ZNF236: variants seen among roughly 807,000 people sequenced by gnomAD.
ZNF236 encodes regulated by glucose.
A neutral mutation model predicts 191.2 loss-of-function variants in ZNF236; 50 were observed. The observed-to-expected ratio is 0.26, with a 90% CI of 0.21 to 0.33. The LOEUF (loss-of-function observed/expected upper bound fraction) is 0.33. Among genes scored for constraint, ZNF236 ranks in the 10% least tolerant of loss-of-function variants. The pLI, the probability that ZNF236 is intolerant of heterozygous loss-of-function variation, is 1.00. For synonymous variants in ZNF236, 907 were observed against 928.8 expected (o/e 0.98, Z 0.43); for missense variants, 1,754 against 2,374.5 (o/e 0.74, Z 5.43).
rs535526178 is a variant in ZNF236, at chr18:76,827,625, G to T, written c.55+4963G>T. ...CATGGTGACAGATTGGGCACCTGAA[G>T]TCTAGGCTTCCTGGAGAAAATGTTG... On this transcript the variant is annotated intron_variant, in intron 1 of 30. Transcript: ENST00000320610. Among the ~76,000 whole-genome samples the T allele has an allele frequency of 3.3e-5, 5 of 152,320 alleles. No individual in the cohort carries two copies. The East Asian group carries it at 9.6e-4, about 29-fold the overall frequency.
chr18:76,968,091 A>T, intron 30 of ZNF236, 124 bp from the exon 31 acceptor site: 1 of 1,308,776 alleles, frequency 7.6e-7, no homozygotes, highest in Non-Finnish European at 1.1e-6. Flanking sequence ...TTTCACTGGA[A>T]TGAAAAGCAA....
rs1329121860 is a variant in ZNF236, at chr18:76,925,365, C to A, written c.3838C>A (p.Pro1280Thr). ...CATGCAGTTTCATTATAAACCAGAC[C>A]CAAAGAAGGCCAGAAAGCCTATGAC... ...THMQFHYKPDPKKARKPMTRS... is the reference protein window; with the variant it reads ...THMQFHYKPDTKKARKPMTRS... Residue 1280 changes from proline (P) to threonine (T), a missense_variant, in exon 22 of 31, where the codon CCA (proline) becomes ACA (threonine). Transcript: ENST00000320610. The surrounding 1 kb of genome is among the most constrained non-coding windows in gnomAD (Gnocchi z 5.7). 1.2e-6 allele frequency: 2 copies of A among 1,614,144 alleles called. No homozygotes were observed. The highest frequency in any genetic ancestry group is 3.3e-5 in the Admixed American group (2 of 60,022).
At chr18:76,954,886 A>G (rs1968485706) in intron 27 of ZNF236, among the ~76,000 whole-genome samples, 1 of 152,046 alleles carries the variant, frequency 6.6e-6, no homozygotes, top group Admixed American at 6.6e-5. Flanking sequence ...TCCCCATTCC[A>G]TTTTTTAAAT....
chr18:76,912,404 C>A, intron 17 of ZNF236, 57 bp downstream of exon 17: 3 of 1,336,958 alleles, frequency 2.2e-6, no homozygotes, highest in East Asian at 4.6e-5. Flanking sequence ...ACGGATGCTG[C>A]TGTGTGTTTG....
chr18:76,914,515 C>A (rs76706494), intron 18 of ZNF236, among the ~76,000 whole-genome samples: 1 of 152,132 alleles, frequency 6.6e-6, no homozygotes, highest in African/African-American at 2.4e-5. Flanking sequence ...CCCACCGTAG[C>A]GTGGGAGGGC....
intron 25 of ZNF236, among the ~76,000 whole-genome samples, chr18:76,932,452 A>G (rs2122861410): frequency 6.6e-6 from 1 of 152,384 alleles, no homozygotes; most frequent in East Asian, 1.9e-4. Context: ...TTAAAGGATC[A>G]GGCAGTGTGT....
chr18:76,935,867 CTG>C (rs1435464232), intron 25 of ZNF236: 3 of 422,194 alleles, frequency 7.1e-6, no homozygotes, highest in Admixed American at 5.1e-5. Flanking sequence ...CACCAGCACT[CTG>C]TGCGGATGCT....
chr18:76,895,665 CCACAGGGACTGCA>C (rs1200149809), intron 10 of ZNF236, among the ~76,000 whole-genome samples: 3 of 151,220 alleles, frequency 2.0e-5, no homozygotes, highest in African/African-American at 7.3e-5. Flanking sequence ...CAAGTACTGC[CCACAGGGACTGCA>C]CACAGTACCC....
At chr18:76,948,370 C>T (rs1430978443) in intron 27 of ZNF236, among the ~76,000 whole-genome samples, 1 of 152,154 alleles carries the variant, frequency 6.6e-6, no homozygotes, top group Non-Finnish European at 1.5e-5. Flanking sequence ...TGGGGATGTC[C>T]TGCAGTTTGA....
chr18:76,871,617 A>G, intron 4 of ZNF236, 84 bp from the exon 5 acceptor site: 2 of 1,575,388 alleles, frequency 1.3e-6, no homozygotes, highest in Non-Finnish European at 1.7e-6. Context: ...TAGTCAGCCA[A>G]ATTTTCTGGT....
chr18:76,904,579 G>T (rs763205985), intron 12 of ZNF236, 58 bp downstream of exon 12: 1 of 1,490,586 alleles, frequency 6.7e-7, no homozygotes, highest in South Asian at 1.4e-5. Flanking sequence ...TTAGTGACCT[G>T]ATGACGTCTA....
At chr18:76,911,352 G>A (rs1341943340) in intron 16 of ZNF236, among the ~76,000 whole-genome samples, 3 of 152,192 alleles carry the variant, frequency 2.0e-5, no homozygotes, top group Non-Finnish European at 4.4e-5. Context: ...ACCGCGGGTA[G>A]CTTTGCCCAA....
intron 1 of ZNF236, chr18:76,824,469 C>G (rs1185797283): frequency 2.6e-6 from 2 of 780,730 alleles, no homozygotes; most frequent in Admixed American, 3.4e-5. Flanking sequence ...TTGATGGTGT[C>G]TGGCCTTTAA....
At chr18:76,878,179 C>A (rs752452046) in intron 7 of ZNF236, 27 bp downstream of exon 7, 1 of 1,553,402 alleles carries the variant, frequency 6.4e-7, no homozygotes, top group East Asian at 2.3e-5. Context: ...GGAAGAACTT[C>A]TTTTTAAACT....
rs1246225527 is a variant in ZNF236 at position 76,972,402 on chromosome 18, G to A, written c.*4063G>A. Among the ~76,000 whole-genome samples, 1 of 152,004 alleles carries A rather than the reference G, an allele frequency of 6.6e-6. No homozygotes were observed. Among genetic ancestry groups the A allele is most frequent in the African/African-American group, 2.4e-5 (1 of 41,360 alleles). On this transcript the variant is annotated 3_prime_UTR_variant, in exon 31 of 31. Coordinates refer to ENST00000320610, the MANE Select transcript of ZNF236 (RefSeq NM_001306089.2). ...TTCCCCTCCTCAGACCCCCATGCACGGATGAGCACATAGCTCACCCTCACC... is the reference window on the plus strand; with the variant it reads ...TTCCCCTCCTCAGACCCCCATGCACAGATGAGCACATAGCTCACCCTCACC...
intron 11 of ZNF236, among the ~76,000 whole-genome samples, chr18:76,902,749 T>A (rs1180603958): frequency 6.8e-6 from 1 of 147,926 alleles, no homozygotes; most frequent in Non-Finnish European, 1.5e-5. Flanking sequence ...TTTTGTATTT[T>A]TTGTATTTTT....
intron 21 of ZNF236, among the ~76,000 whole-genome samples, chr18:76,923,944 A>G (rs537673478): frequency 6.6e-6 from 1 of 152,328 alleles, no homozygotes; most frequent in South Asian, 2.1e-4. Flanking sequence ...AGCTGTTGTT[A>G]TAATGATTCA....
chr18:76,941,054 A>T (rs773214636), intron 26 of ZNF236, among the ~76,000 whole-genome samples: 1 of 152,182 alleles, frequency 6.6e-6, no homozygotes, highest in Non-Finnish European at 1.5e-5. Context: ...CATCTCCCCA[A>T]CATCCCCTAC....
intron 19 of ZNF236, among the ~76,000 whole-genome samples, chr18:76,917,593 G>T (rs1207494466): frequency 6.6e-6 from 1 of 152,178 alleles, no homozygotes; most frequent in Non-Finnish European, 1.5e-5. Context: ...ACTTGGATAG[G>T]GGTTAAATTC....
Sources: allele counts gnomAD v4.1 joint callset (sites outside exome capture counted in the v4.1 genomes callset), GRCh38; gene constraint gnomAD v4.1.1; non-coding constraint Gnocchi (gnomAD v3.1); transcripts MANE v1.5; gene names NCBI Gene and HGNC (gene_info 2026-07-23, HGNC 2026-07-21).